Variants in AR observed in about 807,000 individuals in gnomAD.
AR encodes androgen receptor.
In AR, 8 loss-of-function variants were observed where a neutral mutation model predicts 53.9. That is an observed-to-expected ratio of 0.15 (90% CI 0.09 to 0.27). AR has a LOEUF of 0.27. Among genes scored for constraint, AR ranks in the 10% least tolerant of loss-of-function variants. AR has a pLI of 1.00. For missense variants in AR, 639 were observed against 742.5 expected (o/e 0.86, Z 1.62); for synonymous variants, 359 against 316.4 (o/e 1.13, Z -1.43).
intron 2 of AR, among the ~76,000 whole-genome samples, chrX:67,671,553 G>A (rs1244484608): frequency 2.7e-5 from 3 of 112,084 alleles, no homozygotes; most frequent in African/African-American, 9.7e-5. Flanking sequence ...TAAGTTGCCT[G>A]TTCCCTCTGC....
chrX:67,557,080 ACT>A (rs1330034825), intron 1 of AR, among the ~76,000 whole-genome samples: 1 of 109,164 alleles, frequency 9.2e-6, no homozygotes, highest in Non-Finnish European at 1.9e-5. Context: ...AACATCTGTC[ACT>A]CTGATATATT....
intron 2 of AR, among the ~76,000 whole-genome samples, chrX:67,681,466 A>G (rs1009328484): frequency 8.9e-6 from 1 of 112,068 alleles, no homozygotes; most frequent in South Asian, 3.7e-4. Flanking sequence ...CACCCACACC[A>G]TATTTCCTTT....
At position 67,708,002 on chromosome X, in the gene AR, C is replaced by G. The variant is rs866740854; in HGVS notation, c.1886-3400C>G. 4.4e-4 allele frequency among the ~76,000 whole-genome samples: 49 copies of G among 112,253 alleles called. No individual in the cohort carries two copies. The Middle Eastern group carries it at 0.014, about 31-fold the overall frequency. ...CTCTTCTGGCTTGTAGAGTTTCTGC[C>G]AAGAAATCCACTGTTAGTCTGATGG... is the stretch of plus-strand genomic sequence containing the variant. On this transcript the variant is annotated intron_variant, in intron 3 of 7. Coordinates refer to ENST00000374690, the MANE Select transcript of AR (RefSeq NM_000044.6).
rs777731421 is a variant in AR at position 67,702,271 on chromosome X, A to G, written c.1886-9131A>G. ...CTTAAGGGGACTAAATGGTCTGGCA[A>G]CTCCCGAGCTCAAAGCTAGAAAGGT... On this transcript the variant is annotated intron_variant, in intron 3 of 7. Coordinates refer to ENST00000374690, the MANE Select transcript of AR (RefSeq NM_000044.6). Among the ~76,000 whole-genome samples, 3 of 111,479 alleles carry G rather than the reference A, an allele frequency of 2.7e-5. No individual in the cohort carries two copies. The Admixed American group carries it at 2.9e-4, about 11-fold the overall frequency.
intron 2 of AR, among the ~76,000 whole-genome samples, chrX:67,669,779 C>T (rs1383610502): frequency 9.1e-6 from 1 of 110,156 alleles, no homozygotes; most frequent in Non-Finnish European, 1.9e-5. Flanking sequence ...GAATTGACCC[C>T]TTTATCATTA....
rs996238778 is a variant in AR, at chrX:67,623,392, A to C, written c.1617-19864A>C. On this transcript the variant is annotated intron_variant, in intron 1 of 7. Coordinates refer to ENST00000374690, the MANE Select transcript of AR (RefSeq NM_000044.6). ...AATTCACCATTTGTGGGATATAAAC[A>C]GTGGATCAAAGAAGAAATCATAAGG... 4.5e-5 allele frequency among the ~76,000 whole-genome samples: 5 copies of C among 111,967 alleles called. 1 individual carries two copies. The highest frequency in any genetic ancestry group is 1.6e-4 in the African/African-American group (5 of 30,795).
intron 1 of AR, among the ~76,000 whole-genome samples, chrX:67,629,895 A>G (rs1924967340): frequency 1.8e-5 from 2 of 111,098 alleles, no homozygotes; most frequent in Non-Finnish European, 3.8e-5. Context: ...TTCGTTATGT[A>G]CCCAGTAGTC....
At chrX:67,686,966 C>T (rs2075970307) in intron 3 of AR, among the ~76,000 whole-genome samples, 1 of 111,376 alleles carries the variant, frequency 9.0e-6, no homozygotes. Context: ...CCAGGGTCCT[C>T]GCTGCTGCCT....
chrX:67,576,368 A>G (rs780899969), intron 1 of AR, among the ~76,000 whole-genome samples: 11 of 110,679 alleles, frequency 9.9e-5, no homozygotes, highest in Non-Finnish European at 2.1e-4. Flanking sequence ...GAGCCCAACT[A>G]TAACTTCTTG....
chrX:67,587,415 G>C (rs1325878308), intron 1 of AR, among the ~76,000 whole-genome samples: 1 of 112,637 alleles, frequency 8.9e-6, no homozygotes, highest in Non-Finnish European at 1.9e-5. Context: ...TAAAGTTTGG[G>C]TGCTTTCCTT....
intron 1 of AR, among the ~76,000 whole-genome samples, chrX:67,560,790 A>G (rs760055684): frequency 3.6e-5 from 4 of 111,359 alleles, no homozygotes; most frequent in Non-Finnish European, 3.8e-5. Context: ...CTTGAAGGCT[A>G]TCCCAATTTC....
At chrX:67,645,630 A>G (rs777026378) in intron 2 of AR, among the ~76,000 whole-genome samples, 3 of 111,270 alleles carry the variant, frequency 2.7e-5, no homozygotes, top group Non-Finnish European at 5.7e-5. Context: ...TTGAAAAACA[A>G]TGAAAAGGGA....
intron 1 of AR, among the ~76,000 whole-genome samples, chrX:67,627,045 G>T (rs1312919131): frequency 1.9e-5 from 2 of 107,814 alleles, no homozygotes; most frequent in Non-Finnish European, 3.8e-5. Flanking sequence ...GGACATTTGG[G>T]TTGGTTCCAA....
chrX:67,572,020 T>C (rs1038505588), intron 1 of AR, among the ~76,000 whole-genome samples: 1 of 111,292 alleles, frequency 9.0e-6, no homozygotes, highest in Non-Finnish European at 1.9e-5. Context: ...GATTTTCTCA[T>C]CTGTATAATG....
chrX:67,637,929 A>G (rs1335825509), intron 1 of AR, among the ~76,000 whole-genome samples: 1 of 110,613 alleles, frequency 9.0e-6, no homozygotes, highest in African/African-American at 3.3e-5. Context: ...GCACCTATCA[A>G]CCTGTCATCT....
chrX:67,594,989 C>T (rs1411465973), intron 1 of AR, among the ~76,000 whole-genome samples: 3 of 110,314 alleles, frequency 2.7e-5, no homozygotes, highest in East Asian at 2.8e-4. Context: ...CAGGCTCCTC[C>T]GCTTTTTCAG....
intron 3 of AR, among the ~76,000 whole-genome samples, chrX:67,705,145 A>G (rs2076060562): frequency 9.0e-6 from 1 of 111,460 alleles, no homozygotes; most frequent in Admixed American, 9.5e-5. Flanking sequence ...TTTTGGTTCC[A>G]TATGAACTTT....
At position 67,721,917 on chromosome X, in the gene AR, C is replaced by T. The variant is rs55686369; in HGVS notation, c.2403C>T (p.Thr801=). The part of the protein sequence containing the change: ...LSQEFGWLQI[T]PQEFLCMKAL... ...AAGAGTTTGGATGGCTCCAAATCAC[C>T]CCCCAGGAATTCCTGTGCATGAAAG... The change falls in exon 6 of 8, where the codon ACC becomes ACT. Residue 801 remains threonine, a synonymous_variant. Coordinates refer to ENST00000374690, the MANE Select transcript of AR (RefSeq NM_000044.6). 867 of 1,209,268 alleles carry T rather than the reference C, an allele frequency of 7.2e-4. No individual in the cohort carries two copies. The highest frequency in any genetic ancestry group is 9.4e-4 in the Non-Finnish European group (842 of 894,996).
At position 67,648,523 on chromosome X, in the gene AR, C is replaced by G. The variant is rs139609040; in HGVS notation, c.1768+5116C>G. On this transcript the variant is annotated intron_variant, in intron 2 of 7. Transcript: ENST00000374690. ...ATATATTACCTCATGATTCTGTCTT[C>G]GCACACTCACCGGCTTAATTCTGGG... Among the ~76,000 whole-genome samples, 772 of 111,393 alleles carry G rather than the reference C, an allele frequency of 6.9e-3. 12 individuals are homozygous for G. The highest frequency in any genetic ancestry group is 0.024 in the African/African-American group (743 of 30,610).
Sources: allele counts gnomAD v4.1 joint callset (sites outside exome capture counted in the v4.1 genomes callset), GRCh38; gene constraint gnomAD v4.1.1; transcripts MANE v1.5; gene names NCBI Gene and HGNC (gene_info 2026-07-23, HGNC 2026-07-21).